The following CHN1 variants were observed in gnomAD, a reference collection of about 807,000 sequenced individuals.
The protein encoded by CHN1 is N-chimaerin.
CHN1 carries 37 observed loss-of-function variants against 59.5 expected under a neutral mutation model. That is an observed-to-expected ratio of 0.62 (90% confidence interval 0.48 to 0.82). The LOEUF is 0.82. Among genes scored for constraint, CHN1 ranks in the 40% least tolerant of loss-of-function variants. The pLI, the probability that CHN1 is intolerant of heterozygous loss-of-function variation, is 0.00. For missense variants in CHN1, 469 were observed against 571.0 expected (o/e 0.82, Z 1.82); for synonymous variants, 206 against 200.4 (o/e 1.03, Z -0.24).
At chr2:174,934,330 T>C (rs1689436896) in intron 3 of CHN1, among the ~76,000 whole-genome samples, 1 of 152,184 alleles carries the variant, frequency 6.6e-6, no homozygotes, top group Admixed American at 6.5e-5. Flanking sequence ...ATCCCTTGCA[T>C]GGGCAGTTCA....
intron 12 of CHN1, among the ~76,000 whole-genome samples, chr2:174,801,419 C>T (rs1483267687): frequency 6.6e-6 from 1 of 152,194 alleles, no homozygotes; most frequent in Non-Finnish European, 1.5e-5. Context: ...TATCTTTCCA[C>T]AAAAATTAGT....
chr2:174,918,252 C>A (rs897399472), intron 4 of CHN1, among the ~76,000 whole-genome samples: 3 of 152,074 alleles, frequency 2.0e-5, no homozygotes, highest in Non-Finnish European at 4.4e-5. Flanking sequence ...CACAAAAACA[C>A]AAATATGTAC....
intron 5 of CHN1, among the ~76,000 whole-genome samples, chr2:174,880,528 A>G (rs558901463): frequency 1.3e-5 from 2 of 152,220 alleles, no homozygotes; most frequent in South Asian, 4.1e-4. Flanking sequence ...ATTCTACATA[A>G]GAAGAGCCAT....
intron 1 of CHN1, among the ~76,000 whole-genome samples, chr2:175,003,200 G>C (rs1691944858): frequency 6.6e-6 from 1 of 152,206 alleles, no homozygotes; most frequent in Admixed American, 6.5e-5. Flanking sequence ...CTGCACTCAA[G>C]AGTGCTTTGT....
rs529028832 is a variant in CHN1 at position 174,824,533 on chromosome 2, G to A, written c.628-15C>T. The A allele has an allele frequency of 8.1e-5, 122 of 1,508,642 alleles. No homozygotes were observed. The East Asian group carries it at 1.4e-3, about 17-fold the overall frequency. 93.5% of individuals were successfully genotyped at this position (1,508,642 alleles called of 1,614,324 possible). A position where few individuals can be genotyped will look rare whatever the true frequency, so the allele number is the denominator to read the frequency against. The stretch of plus-strand genomic sequence containing the variant: ...AATGTATGCACCTGAAAAAAAAAAA[G>A]AGGGGCAAAGTCAGGAAAGGGGAAA... On this transcript the variant is annotated splice_polypyrimidine_tract_variant and intron_variant, in intron 7 of 12. Transcript: ENST00000409900.
intron 5 of CHN1, among the ~76,000 whole-genome samples, chr2:174,890,266 G>A (rs1048682750): frequency 2.0e-5 from 3 of 152,150 alleles, no homozygotes; most frequent in African/African-American, 7.2e-5. Context: ...AGGAAGGCAG[G>A]TGACCATACT....
intron 6 of CHN1, among the ~76,000 whole-genome samples, chr2:174,856,936 G>C (rs956944838): frequency 2.6e-5 from 4 of 152,052 alleles, no homozygotes; most frequent in Non-Finnish European, 5.9e-5. Context: ...CAATCAAGTA[G>C]GCTCAGAAAT....
intron 1 of CHN1, among the ~76,000 whole-genome samples, chr2:174,997,606 C>T (rs1336585475): frequency 6.6e-6 from 1 of 152,118 alleles, no homozygotes; most frequent in Non-Finnish European, 1.5e-5. Context: ...CCATTTTCCT[C>T]AAATGGACAT....
chr2:174,825,245 G>A (rs1330462148), intron 7 of CHN1, among the ~76,000 whole-genome samples: 1 of 152,166 alleles, frequency 6.6e-6, no homozygotes, highest in Non-Finnish European at 1.5e-5. Context: ...CTGTGACTAT[G>A]AGTAGGATCA....
At chr2:174,846,803 G>C in intron 7 of CHN1, 77 bp downstream of exon 7, 5 of 1,313,022 alleles carry the variant, frequency 3.8e-6, no homozygotes, top group Non-Finnish European at 4.1e-6. Context: ...GTTTTAAAAA[G>C]ACATAAGATA....
chr2:174,830,165 G>T (rs558631758), intron 7 of CHN1, among the ~76,000 whole-genome samples: 3 of 152,028 alleles, frequency 2.0e-5, no homozygotes, highest in Admixed American at 1.3e-4. Flanking sequence ...CCCAGGAGGC[G>T]GAGCTTGCAG....
chr2:174,931,240 C>T (rs985596605), intron 3 of CHN1, among the ~76,000 whole-genome samples: 8 of 152,054 alleles, frequency 5.3e-5, no homozygotes, highest in African/African-American at 1.9e-4. Context: ...CTTCTATCTG[C>T]AAAGCATATT....
intron 7 of CHN1, among the ~76,000 whole-genome samples, chr2:174,838,995 C>G (rs1022344923): frequency 6.7e-6 from 1 of 148,776 alleles, no homozygotes; most frequent in Non-Finnish European, 1.5e-5. Context: ...CCAGCCTCGG[C>G]GACAGAGTGA....
chr2:174,945,906 AG>A (rs532413452), intron 2 of CHN1, among the ~76,000 whole-genome samples: 62 of 150,274 alleles, frequency 4.1e-4, no homozygotes, highest in African/African-American at 1.5e-3. Context: ...ATACATAATT[AG>A]CCTGTGTGTG....
intron 3 of CHN1, among the ~76,000 whole-genome samples, chr2:174,936,103 T>C (rs1689487963): frequency 6.6e-6 from 1 of 152,198 alleles, no homozygotes; most frequent in Non-Finnish European, 1.5e-5. Context: ...GTACATTTTG[T>C]CCAGCCTCAG....
At chr2:174,988,219 T>C (rs562952530) in intron 1 of CHN1, among the ~76,000 whole-genome samples, 2 of 151,474 alleles carry the variant, frequency 1.3e-5, no homozygotes, top group African/African-American at 2.4e-5. Context: ...TAGCCGGGCA[T>C]GGTGGTGCGC....
intron 7 of CHN1, 127 bp from the exon 8 acceptor site, chr2:174,824,645 A>C: frequency 2.4e-6 from 1 of 423,886 alleles, no homozygotes; most frequent in Non-Finnish European, 4.2e-6. Context: ...AGAAAGAGAA[A>C]TGGGGTCTCA....
intron 5 of CHN1, among the ~76,000 whole-genome samples, chr2:174,913,749 T>C (rs1688761220): frequency 6.6e-6 from 1 of 152,190 alleles, no homozygotes. Flanking sequence ...TCAAATCTTG[T>C]GGACAGGAAT....
At chr2:174,885,014 GCGGTGGCTCATGC>G (rs1558966786) in intron 5 of CHN1, among the ~76,000 whole-genome samples, 9 of 151,878 alleles carry the variant, frequency 5.9e-5, no homozygotes. Flanking sequence ...TTAGCCGGGC[GCGGTGGCTCATGC>G]CTGTAATCCC....
Sources: allele counts gnomAD v4.1 joint callset (sites outside exome capture counted in the v4.1 genomes callset), GRCh38; gene constraint gnomAD v4.1.1; transcripts MANE v1.5; gene names NCBI Gene and HGNC (gene_info 2026-07-23, HGNC 2026-07-21).